SDK1: variants seen among roughly 807,000 people sequenced by gnomAD.
The protein encoded by SDK1 is protein sidekick-1.
SDK1 carries 157 observed loss-of-function variants against 245.5 expected under a neutral mutation model. The observed-to-expected ratio is 0.64, with a 90% CI of 0.56 to 0.73. The LOEUF (loss-of-function observed/expected upper bound fraction) is 0.73, where lower values mean the gene tolerates loss of function less well. SDK1 is among the 30% of genes least tolerant of loss of function. The pLI is 0.00. For synonymous variants in SDK1, 1,647 were observed against 1,278.5 expected, an observed-to-expected ratio of 1.29 and a Z score of -6.15; for missense variants, 3,583 against 3,002.3, an observed-to-expected ratio of 1.19 and a Z score of -4.52.
intron 4 of SDK1, among the ~76,000 whole-genome samples, chr7:3,795,889 C>A (rs1412341181): frequency 6.6e-6 from 1 of 152,108 alleles, no homozygotes; most frequent in Non-Finnish European, 1.5e-5. Context: ...GGCAATAAAT[C>A]TAAACTTTGG....
At chr7:3,376,365 G>A (rs763709850) in intron 1 of SDK1, among the ~76,000 whole-genome samples, 5 of 152,048 alleles carry the variant, frequency 3.3e-5, no homozygotes, top group Non-Finnish European at 5.9e-5. Flanking sequence ...CTTATAAACA[G>A]GGTGAAAGAT....
At chr7:3,844,566 C>T (rs1019580829) in intron 5 of SDK1, among the ~76,000 whole-genome samples, 3 of 152,206 alleles carry the variant, frequency 2.0e-5, no homozygotes, top group Admixed American at 6.5e-5. Context: ...AATTTAATGT[C>T]TTTTCCAACA....
chr7:4,267,113 C>T lies in SDK1; in HGVS notation c.*1729C>T. 2 of 985,418 alleles carry T rather than the reference C, an allele frequency of 2.0e-6. No homozygotes were observed. The highest frequency in any genetic ancestry group is 2.4e-6 in the Non-Finnish European group (2 of 829,928). The allele number at this position is 985,418 out of a possible 1,614,324, so 61.0% of individuals were successfully genotyped here. A position where few individuals can be genotyped will look rare whatever the true frequency, so the allele number is the denominator to read the frequency against. On this transcript the variant is annotated 3_prime_UTR_variant, in exon 45 of 45. Coordinates refer to ENST00000404826, the MANE Select transcript of SDK1 (RefSeq NM_152744.4). Reference sequence around the variant, plus strand: ...GAGACCAAGGAGAGTTTTGTATAGGCTGGAAAACCCCTTTTCAGTCTTTCC... The same window carrying T: ...GAGACCAAGGAGAGTTTTGTATAGGTTGGAAAACCCCTTTTCAGTCTTTCC...
intron 1 of SDK1, among the ~76,000 whole-genome samples, chr7:3,372,924 A>G (rs1178306535): frequency 6.6e-6 from 1 of 152,194 alleles, no homozygotes; most frequent in Non-Finnish European, 1.5e-5. Flanking sequence ...TACTTTATAC[A>G]AGACATAGGA....
chr7:4,051,108 A>G (rs1445788856), intron 18 of SDK1, among the ~76,000 whole-genome samples: 1 of 138,044 alleles, frequency 7.2e-6, no homozygotes, highest in Non-Finnish European at 1.5e-5. Context: ...TATATAATAT[A>G]TATGTATAAT....
chr7:3,824,354 C>G (rs895369524), intron 5 of SDK1, among the ~76,000 whole-genome samples: 5 of 152,132 alleles, frequency 3.3e-5, no homozygotes, highest in Non-Finnish European at 7.3e-5. Flanking sequence ...ATATTACAGC[C>G]AATTATCATT....
At chr7:3,421,091 CCTT>C (rs1380847376) in intron 1 of SDK1, among the ~76,000 whole-genome samples, 6 of 143,976 alleles carry the variant, frequency 4.2e-5, no homozygotes, top group East Asian at 1.9e-4. Context: ...TCTGTACTCT[CCTT>C]TTTTTTTTTT....
chr7:3,588,198 C>A (rs942317719), intron 1 of SDK1, among the ~76,000 whole-genome samples: 1 of 152,182 alleles, frequency 6.6e-6, no homozygotes. Flanking sequence ...TATAAGGTTT[C>A]TTCAAGCAAA....
At chr7:3,960,014 A>G (rs1781555251) in intron 8 of SDK1, among the ~76,000 whole-genome samples, 1 of 152,200 alleles carries the variant, frequency 6.6e-6, no homozygotes, top group Admixed American at 6.5e-5. Context: ...GGAAACGAAA[A>G]GGATCTTTTC....
chr7:4,139,583 A>ATATATGTG (rs1180840345), intron 28 of SDK1, among the ~76,000 whole-genome samples: 1 of 41,854 alleles, frequency 2.4e-5, no homozygotes, highest in African/African-American at 7.0e-5. Context: ...GTGTGTGTGT[A>ATATATGTG]TGTGTGTGTA....
In SDK1 at chr7:3,940,984, G is replaced by A. The variant is rs150242352; in HGVS notation, c.848-9939G>A. On this transcript the variant is annotated intron_variant, in intron 5 of 44. Coordinates refer to ENST00000404826, the MANE Select transcript of SDK1 (RefSeq NM_152744.4). ...GCGCACCTGGGTACCCCGCAGGCAC[G>A]TCTTAGGAAGCTTGGGCAGCTTCTG... Among the ~76,000 whole-genome samples, 737 of 151,814 alleles carry A rather than the reference G, an allele frequency of 4.9e-3. 8 individuals are homozygous for A. Among genetic ancestry groups the A allele is most frequent in the African/African-American group, 0.016 (672 of 41,380 alleles).
chr7:3,732,968 A>T (rs1779221620), intron 4 of SDK1, among the ~76,000 whole-genome samples: 1 of 152,168 alleles, frequency 6.6e-6, no homozygotes, highest in Non-Finnish European at 1.5e-5. Flanking sequence ...TATAGCAAGT[A>T]ATCTTGGGAG....
intron 1 of SDK1, among the ~76,000 whole-genome samples, chr7:3,524,861 A>T (rs545505245): frequency 1.1e-4 from 16 of 152,276 alleles, no homozygotes; most frequent in Non-Finnish European, 2.1e-4. Context: ...AAACTGTGGG[A>T]ATGTACTGGG....
In SDK1 at chr7:3,764,040, G is replaced by A. The variant is rs551257031; in HGVS notation, c.714-57410G>A. Among the ~76,000 whole-genome samples, 4 of 152,272 alleles carry A rather than the reference G, an allele frequency of 2.6e-5. No individual in the cohort carries two copies. In the East Asian group the frequency reaches 7.7e-4, roughly 29 times the overall value. Reference sequence around the variant, plus strand: ...GCCATAGAAAATACAGCCTTGGTATGGGGATTTGTGGATGGTCTGGAAACC... The same window carrying A: ...GCCATAGAAAATACAGCCTTGGTATAGGGATTTGTGGATGGTCTGGAAACC... On this transcript the variant is annotated intron_variant, in intron 4 of 44. Coordinates refer to ENST00000404826, the MANE Select transcript of SDK1 (RefSeq NM_152744.4).
chr7:4,170,384 C>A (rs974896063), intron 32 of SDK1, among the ~76,000 whole-genome samples: 2 of 152,040 alleles, frequency 1.3e-5, no homozygotes, highest in Non-Finnish European at 2.9e-5. Flanking sequence ...GAGGTCGAGG[C>A]TGCAGTGAGC....
intron 22 of SDK1, among the ~76,000 whole-genome samples, chr7:4,087,904 T>G (rs921659936): frequency 2.6e-5 from 4 of 152,258 alleles, no homozygotes; most frequent in African/African-American, 9.6e-5. Context: ...CTATTTTAAA[T>G]GATATTTTCT....
intron 1 of SDK1, among the ~76,000 whole-genome samples, chr7:3,467,988 G>A (rs942938896): frequency 6.6e-6 from 1 of 151,704 alleles, no homozygotes; most frequent in African/African-American, 2.4e-5. Context: ...TTTTTTTAAT[G>A]AAGATTTTAA....
At chr7:3,678,653 C>T (rs1583299091) in intron 4 of SDK1, among the ~76,000 whole-genome samples, 1 of 152,248 alleles carries the variant, frequency 6.6e-6, no homozygotes, top group East Asian at 1.9e-4. Flanking sequence ...GTTACTGTGT[C>T]ACAGGTACAG....
intron 1 of SDK1, among the ~76,000 whole-genome samples, chr7:3,580,675 C>CTCTGGAAGA: frequency 6.6e-6 from 1 of 152,086 alleles, no homozygotes; most frequent in Non-Finnish European, 1.5e-5. Context: ...ACTATAAAAA[C>CTCTGGAAGA]TCTGGAAGAT....
Sources: allele counts gnomAD v4.1 joint callset (sites outside exome capture counted in the v4.1 genomes callset), GRCh38; gene constraint gnomAD v4.1.1; transcripts MANE v1.5; gene names NCBI Gene and HGNC (gene_info 2026-07-23, HGNC 2026-07-21).